Variants in ZNF85 observed in about 807,000 individuals in gnomAD.
The protein encoded by ZNF85 is zinc finger protein 85 (HPF4, HTF1).
Under a neutral mutation model 53.9 loss-of-function variants are expected in ZNF85, and 50 were observed. That is an observed-to-expected ratio of 0.93 (90% CI 0.74 to 1.17). The LOEUF (loss-of-function observed/expected upper bound fraction) is 1.17. Ranked by LOEUF, ZNF85 falls within the 50% of genes most tolerant of loss-of-function variation. The probability of loss-of-function intolerance (pLI) is 0.00; values close to 1 mark genes in which losing one functional copy is unlikely to be tolerated. For missense variants in ZNF85, 747 were observed against 688.5 expected, an observed-to-expected ratio of 1.08 and a Z score of -0.95; for synonymous variants, 225 against 226.1, an observed-to-expected ratio of 1.00 and a Z score of 0.04.
Position 20,949,936 on chromosome 19 carries a change from A to G in ZNF85, c.1422A>G (p.Lys474=). ...NQSSNLTRHK[K]SHTEEKPYKC... ...CCTCAAATCTTACTAGACATAAGAAAAGTCATACAGAAGAGAAACCTTACA... is the reference window on the plus strand; with the variant it reads ...CCTCAAATCTTACTAGACATAAGAAGAGTCATACAGAAGAGAAACCTTACA... The change falls in exon 4 of 4, where the codon AAA becomes AAG. Residue 474 remains lysine (K), a synonymous_variant. Transcript: ENST00000328178. 1.2e-6 allele frequency: 2 copies of G among 1,612,566 alleles called. No homozygotes were observed. Among genetic ancestry groups the G allele is most frequent in the African/African-American group, 1.3e-5 (1 of 74,944 alleles).
chr19:20,928,909 A>G (rs1469791111), intron 1 of ZNF85, among the ~76,000 whole-genome samples: 1 of 152,132 alleles, frequency 6.6e-6, no homozygotes, highest in African/African-American at 2.4e-5. Context: ...GTTCAGGGGT[A>G]CACGTGCAGG....
intron 3 of ZNF85, chr19:20,944,421 GAA>G (rs1356166384): frequency 6.7e-6 from 1 of 150,066 alleles, no homozygotes; most frequent in Admixed American, 6.6e-5. Context: ...CTTTTATTTT[GAA>G]AAGTCTTTAT....
rs146643398 is a variant in ZNF85 at position 20,934,049 on chromosome 19, C to A, written c.29C>A (p.Ala10Asp). ...GGACCATTGACATTTAGGGATGTGG[C>A]CATAGAATTCTCTCTGAAGGAGTGG... MGPLTFRDV[A>D]IEFSLKEWQC... Residue 10 changes from alanine (A) to aspartate (D), a missense_variant, in exon 2 of 4, where the codon GCC becomes GAC. By Grantham distance (126) the Ala-to-Asp change is moderately radical. Coordinates refer to ENST00000328178, the MANE Select transcript of ZNF85 (RefSeq NM_003429.5). The A allele has an allele frequency of 3.7e-6, 6 of 1,609,802 alleles. No homozygotes were observed. The African/African-American group carries it at 8.1e-5, about 22-fold the overall frequency.
At chr19:20,948,048 A>C (rs1423186822) in intron 3 of ZNF85, among the ~76,000 whole-genome samples, 1 of 152,118 alleles carries the variant, frequency 6.6e-6, no homozygotes, top group East Asian at 1.9e-4. Context: ...CAATCTTTAT[A>C]ATATAGCTTT....
At chr19:20,943,993 C>T (rs1339916589) in intron 3 of ZNF85, 2 of 311,564 alleles carry the variant, frequency 6.4e-6, no homozygotes, top group African/African-American at 4.7e-5. Flanking sequence ...GCTTATTTGA[C>T]TCTATATTTT....
intron 1 of ZNF85, among the ~76,000 whole-genome samples, chr19:20,931,620 C>CTTTTTTTTTTTTTTTTT (rs1156835317): frequency 3.3e-5 from 4 of 119,464 alleles, no homozygotes; most frequent in Non-Finnish European, 5.0e-5. Context: ...TTTTCTTTTT[C>CTTTTTTTTTTTTTTTTT]TTTTTTTTTT....
At chr19:20,935,098 G>C (rs747682098) in intron 3 of ZNF85, 51 bp downstream of exon 3, 2 of 1,273,340 alleles carry the variant, frequency 1.6e-6, no homozygotes, top group Non-Finnish European at 1.1e-6. Flanking sequence ...GAGGTCCAAA[G>C]GCCAAAGAGA....
chr19:20,923,394 C>G lies in ZNF85; in HGVS notation c.-7C>G. The G allele has an allele frequency of 6.2e-7, 1 of 1,614,080 alleles. No homozygotes were observed. The highest frequency in any genetic ancestry group is 8.5e-7 in the Non-Finnish European group (1 of 1,179,988). On this transcript the variant is annotated 5_prime_UTR_variant, in exon 1 of 4. Transcript: ENST00000328178. ...CTAAGACGCCGGGACCCCCTGGAAG[C>G]CTAGAAATGGTGAGAGTGCCAGGTC...
Position 20,949,690 on chromosome 19 carries a change from T to C in ZNF85, c.1176T>C (p.His392=). Residue 392 remains histidine, a synonymous_variant, in exon 4 of 4, where the codon CAT becomes CAC. Coordinates refer to ENST00000328178, the MANE Select transcript of ZNF85 (RefSeq NM_003429.5). ...FSHLTTHKII[H]TGEKPYKCKE... ...ACCTTACTACACATAAGATAATTCA[T>C]ACTGGAGAGAAACCTTACAAATGTA... 16 of 1,613,288 alleles carry C rather than the reference T, an allele frequency of 9.9e-6. No homozygotes were observed. The highest frequency in any genetic ancestry group is 1.4e-5 in the Non-Finnish European group (16 of 1,179,540).
At chr19:20,923,525 T>C (rs1453027913) in intron 1 of ZNF85, 122 bp downstream of exon 1, 3 of 1,532,304 alleles carry the variant, frequency 2.0e-6, no homozygotes, top group African/African-American at 2.7e-5. Context: ...CCAGTTCTTT[T>C]TGCCCAGCTC....
At chr19:20,935,673 A>T (rs374624683) in intron 3 of ZNF85, among the ~76,000 whole-genome samples, 1,680 of 130,134 alleles carry the variant, frequency 0.013, 26 homozygotes, top group African/African-American at 0.036. Context: ...TTTTTTTTTT[A>T]TTTCGCTCTT....
Position 20,950,348 on chromosome 19 carries a change from AAG to A in ZNF85, c.*48_*49del. Reference sequence around the variant, plus strand: ...TCAATTTACAAGTCTTACTAAACATAAGAAAATTTATACTGGAGAGAAACTAC... The same window carrying A: ...TCAATTTACAAGTCTTACTAAACATAAAAATTTATACTGGAGAGAAACTAC... On this transcript the variant is annotated 3_prime_UTR_variant, in exon 4 of 4. Transcript: ENST00000328178. The A allele has an allele frequency of 7.4e-7, 1 of 1,351,178 alleles. No homozygotes were observed. Among genetic ancestry groups the A allele is most frequent in the Non-Finnish European group, 1.0e-6 (1 of 1,004,836 alleles). 83.7% of individuals were successfully genotyped at this position (1,351,178 alleles called of 1,614,324 possible).
chr19:20,936,185 T>A (rs907217014), intron 3 of ZNF85, among the ~76,000 whole-genome samples: 1 of 152,248 alleles, frequency 6.6e-6, no homozygotes, highest in Non-Finnish European at 1.5e-5. Context: ...TTTATTAGTT[T>A]AGACAGGTTT....
At chr19:20,934,842 C>G (rs1973118941) in intron 2 of ZNF85, 107 bp from the exon 3 acceptor site, 6 of 520,816 alleles carry the variant, frequency 1.2e-5, no homozygotes, top group African/African-American at 2.1e-5. Flanking sequence ...TTGAAAATGT[C>G]TGTTATAAAT....
intron 1 of ZNF85, among the ~76,000 whole-genome samples, chr19:20,932,441 T>C (rs11085407): frequency 0.11 from 17,028 of 152,140 alleles, 973 homozygotes; most frequent in Non-Finnish European, 0.13. Context: ...TGGCTTTTTA[T>C]ATGCCATGCA....
chr19:20,931,381 C>G (rs753882093), intron 1 of ZNF85, among the ~76,000 whole-genome samples: 12 of 152,284 alleles, frequency 7.9e-5, no homozygotes, highest in Non-Finnish European at 1.2e-4. Flanking sequence ...GCAGAAATCT[C>G]TTTACTTGTG....
intron 3 of ZNF85, among the ~76,000 whole-genome samples, chr19:20,935,803 G>T (rs1019997231): frequency 6.6e-6 from 1 of 151,962 alleles, no homozygotes; most frequent in African/African-American, 2.4e-5. Context: ...ATGTGCCTTG[G>T]CCTCCCAAAG....
rs12972502 is a variant in ZNF85 at position 20,948,922 on chromosome 19, A to G, written c.408A>G (p.Gln136=). The G allele has an allele frequency of 0.12, 185,620 of 1,613,512 alleles. 11,612 individuals carry two copies. The highest frequency in any genetic ancestry group is 0.13 in the Non-Finnish European group (151,278 of 1,179,616). The change falls in exon 4 of 4, where the codon CAA becomes CAG. Residue 136 remains glutamine (Q), a synonymous_variant. Transcript: ENST00000328178. ...MHKGGCNGLN[Q]CLTATQSKIF... Reference sequence around the variant, plus strand: ...AAGGAGGTTGTAATGGACTTAACCAATGTCTCACAGCTACCCAGAGCAAAA... The same window carrying G: ...AAGGAGGTTGTAATGGACTTAACCAGTGTCTCACAGCTACCCAGAGCAAAA...
intron 1 of ZNF85, among the ~76,000 whole-genome samples, chr19:20,932,070 A>G (rs1973036042): frequency 6.6e-6 from 1 of 152,174 alleles, no homozygotes; most frequent in Non-Finnish European, 1.5e-5. Context: ...CTTTTTCTGC[A>G]GGTCTTGATC....
Sources: allele counts gnomAD v4.1 joint callset (sites outside exome capture counted in the v4.1 genomes callset), GRCh38; gene constraint gnomAD v4.1.1; transcripts MANE v1.5; gene names NCBI Gene and HGNC (gene_info 2026-07-23, HGNC 2026-07-21).